The following GLCCI1 variants were observed in gnomAD, a reference collection of about 807,000 sequenced individuals.
GLCCI1 encodes glucocorticoid-induced transcript 1 protein.
Under a neutral mutation model 52.2 loss-of-function variants are expected in GLCCI1, and 24 were observed. The ratio of observed to expected loss-of-function variants is 0.46; its 90% CI spans 0.33 to 0.65. The LOEUF (loss-of-function observed/expected upper bound fraction) is 0.65, where lower values mean the gene tolerates loss of function less well. Among genes scored for constraint, GLCCI1 ranks in the 30% least tolerant of loss-of-function variants. The pLI, the probability that GLCCI1 is intolerant of heterozygous loss-of-function variation, is 0.02. For missense variants in GLCCI1, 704 were observed against 701.5 expected, an observed-to-expected ratio of 1.00 and a Z score of -0.04; for synonymous variants, 310 against 276.5, an observed-to-expected ratio of 1.12 and a Z score of -1.20.
intron 1 of GLCCI1, among the ~76,000 whole-genome samples, chr7:7,977,757 A>C (rs1780525057): frequency 1.3e-5 from 2 of 152,230 alleles, no homozygotes; most frequent in Non-Finnish European, 2.9e-5. Context: ...CTTTATGCCA[A>C]CTAATAATCT....
intron 5 of GLCCI1, among the ~76,000 whole-genome samples, chr7:8,063,369 C>T (rs909906635): frequency 6.6e-6 from 1 of 151,982 alleles, no homozygotes; most frequent in African/African-American, 2.4e-5. Context: ...TGGTCTTGAA[C>T]TCCTGAGCTC....
At chr7:8,016,719 A>G (rs1781389506) in intron 2 of GLCCI1, among the ~76,000 whole-genome samples, 1 of 152,184 alleles carries the variant, frequency 6.6e-6, no homozygotes, top group South Asian at 2.1e-4. Context: ...AACATAGCCT[A>G]TTGCAATGAG....
Position 8,023,588 on chromosome 7 carries a change from C to CTTTTTTTTTTTTTTTTTTTTTTTTTTTT in GLCCI1, c.696+1020_696+1047dup, listed in dbSNP as rs571726894. Among the ~76,000 whole-genome samples the CTTTTTTTTTTTTTTTTTTTTTTTTTTTT allele has an allele frequency of 5.5e-4, 23 of 41,990 alleles. 6 individuals are homozygous for CTTTTTTTTTTTTTTTTTTTTTTTTTTTT. Among genetic ancestry groups the CTTTTTTTTTTTTTTTTTTTTTTTTTTTT allele is most frequent in the East Asian group, 1.2e-3 (2 of 1,718 alleles). 27.5% of individuals were successfully genotyped at this position (41,990 alleles called of 152,430 possible). On this transcript the variant is annotated intron_variant, in intron 3 of 7. Transcript: ENST00000223145. ...AGATGGTCATCTAATCTCTGTTATTCTTTTTTTTTTTTTTTTTTTTTTTTT... is the reference window on the plus strand; with the variant it reads ...AGATGGTCATCTAATCTCTGTTATTCTTTTTTTTTTTTTTTTTTTTTTTTTTTTTTTTTTTTTTTTTTTTTTTTTTTTT...
chr7:8,027,819 T>A (rs1386539405), intron 3 of GLCCI1, among the ~76,000 whole-genome samples: 3 of 152,196 alleles, frequency 2.0e-5, no homozygotes, highest in Non-Finnish European at 4.4e-5. Flanking sequence ...CAGGAGTTGC[T>A]ATGCTTATGT....
intron 1 of GLCCI1, chr7:7,981,860 GC>G: frequency 2.2e-6 from 1 of 445,746 alleles, no homozygotes; most frequent in Non-Finnish European, 4.5e-6. Flanking sequence ...TACTAGATGA[GC>G]AGGCAGAAGA....
chr7:8,036,162 C>G (rs73050958), intron 3 of GLCCI1, among the ~76,000 whole-genome samples: 5,566 of 152,284 alleles, frequency 0.037, 141 homozygotes, highest in Non-Finnish European at 0.057. Flanking sequence ...AACACAAGTG[C>G]ACAGTTCTGG....
At chr7:8,012,868 A>G (rs1270163716) in intron 2 of GLCCI1, among the ~76,000 whole-genome samples, 4 of 152,206 alleles carry the variant, frequency 2.6e-5, no homozygotes, top group African/African-American at 9.6e-5. Flanking sequence ...TGCCAAATCC[A>G]GTGTCAGGAA....
Position 8,033,822 on chromosome 7 carries a change from T to C in GLCCI1, c.696+11253T>C, listed in dbSNP as rs190484852. ...AATAGTAAGATGGTAATTCTCAAAT[T>C]GATATATAGATTCAATGCAATTTCT... On this transcript the variant is annotated intron_variant, in intron 3 of 7. Coordinates refer to ENST00000223145, the MANE Select transcript of GLCCI1 (RefSeq NM_138426.4). Among the ~76,000 whole-genome samples the C allele has an allele frequency of 2.6e-5, 4 of 152,000 alleles. No individual in the cohort carries two copies. The East Asian group carries it at 7.7e-4, about 29-fold the overall frequency.
chr7:8,057,910 A>G (rs1429972563), intron 4 of GLCCI1, among the ~76,000 whole-genome samples: 4 of 152,202 alleles, frequency 2.6e-5, no homozygotes, highest in African/African-American at 7.2e-5. Flanking sequence ...ACATACTGGA[A>G]TATTTGTAGG....
intron 5 of GLCCI1, among the ~76,000 whole-genome samples, chr7:8,062,758 A>G (rs766968316): frequency 6.6e-6 from 1 of 152,180 alleles, no homozygotes; most frequent in Non-Finnish European, 1.5e-5. Context: ...ACTTAGGATA[A>G]TGGCCTTTAG....
chr7:8,017,686 C>T (rs543156596), intron 2 of GLCCI1, among the ~76,000 whole-genome samples: 11 of 151,902 alleles, frequency 7.2e-5, no homozygotes, highest in Non-Finnish European at 1.6e-4. Context: ...ATTCCTAAAG[C>T]TTAAAAAAAA....
At chr7:8,029,001 C>T (rs1322018923) in intron 3 of GLCCI1, among the ~76,000 whole-genome samples, 1 of 152,156 alleles carries the variant, frequency 6.6e-6, no homozygotes, top group Non-Finnish European at 1.5e-5. Context: ...AATGGCTTCA[C>T]CGCTGAATTC....
chr7:8,036,843 C>A (rs142202534), intron 3 of GLCCI1, among the ~76,000 whole-genome samples: 304 of 151,936 alleles, frequency 2.0e-3, no homozygotes, highest in African/African-American at 7.0e-3. Context: ...GTTAATCCAG[C>A]TAGAAAAAGA....
chr7:7,973,048 C>T (rs1780386851), intron 1 of GLCCI1, among the ~76,000 whole-genome samples: 1 of 152,106 alleles, frequency 6.6e-6, no homozygotes, highest in Admixed American at 6.6e-5. Flanking sequence ...CATCCTCCCT[C>T]TTGTTTGGTT....
intron 2 of GLCCI1, among the ~76,000 whole-genome samples, chr7:8,016,417 C>G (rs1470006469): frequency 6.6e-6 from 1 of 152,014 alleles, no homozygotes; most frequent in South Asian, 2.1e-4. Flanking sequence ...TGCAGCGAGC[C>G]GAGATCGCAC....
chr7:8,077,561 C>T (rs1263183104), intron 6 of GLCCI1, among the ~76,000 whole-genome samples: 3 of 152,146 alleles, frequency 2.0e-5, no homozygotes, highest in Admixed American at 1.3e-4. Flanking sequence ...GCTACTCAAT[C>T]GATCTGTATC....
intron 3 of GLCCI1, among the ~76,000 whole-genome samples, chr7:8,037,621 G>A (rs1338822909): frequency 6.6e-6 from 1 of 152,016 alleles, no homozygotes; most frequent in African/African-American, 2.4e-5. Context: ...TTAAAAAGCA[G>A]GATCTAATCA....
rs998317314 is a variant in GLCCI1, at chr7:8,087,708, G to A, written c.*1170G>A. ...ATCTTCATTTACATAGAATACTTGG[G>A]TCTCAGAATTGATGCAACATAAGCA... On this transcript the variant is annotated 3_prime_UTR_variant, in exon 8 of 8. Transcript: ENST00000223145. 6.6e-6 allele frequency: 1 copy of A among 151,734 alleles called. No homozygotes were observed. Among genetic ancestry groups the A allele is most frequent in the African/African-American group, 2.4e-5 (1 of 41,072 alleles). The allele number at this position is 151,734 out of a possible 1,614,324, so 9.4% of individuals were successfully genotyped here.
chr7:8,032,321 T>G (rs536870952), intron 3 of GLCCI1, among the ~76,000 whole-genome samples: 13 of 152,126 alleles, frequency 8.5e-5, no homozygotes, highest in Non-Finnish European at 1.9e-4. Flanking sequence ...GAAAAACTTC[T>G]CATTAATTAC....
Sources: allele counts gnomAD v4.1 joint callset (sites outside exome capture counted in the v4.1 genomes callset), GRCh38; gene constraint gnomAD v4.1.1; transcripts MANE v1.5; gene names NCBI Gene and HGNC (gene_info 2026-07-23, HGNC 2026-07-21).